FLRT2: variants seen among roughly 807,000 people sequenced by gnomAD.
FLRT2 encodes fibronectin leucine rich transmembrane protein 2, also known as leucine-rich repeat transmembrane protein FLRT2.
FLRT2 carries 15 observed loss-of-function variants against 40.0 expected under a neutral mutation model. That is an observed-to-expected ratio of 0.38 (90% confidence interval 0.25 to 0.58). FLRT2 has a LOEUF of 0.58. Ranked by LOEUF, FLRT2 falls within the 20% of genes least tolerant of loss-of-function variation. FLRT2 has a pLI of 0.71. For synonymous variants in FLRT2, 380 were observed against 336.8 expected, an observed-to-expected ratio of 1.13 and a Z score of -1.41; for missense variants, 726 against 840.0, an observed-to-expected ratio of 0.86 and a Z score of 1.68.
At chr14:85,591,631 C>T (rs1400928815) in intron 1 of FLRT2, among the ~76,000 whole-genome samples, 3 of 152,210 alleles carry the variant, frequency 2.0e-5, no homozygotes, top group Non-Finnish European at 2.9e-5. Flanking sequence ...TGTAATTAAG[C>T]ACTTGAAATG....
At chr14:85,536,325 T>G (rs1888656868) in intron 1 of FLRT2, among the ~76,000 whole-genome samples, 1 of 152,136 alleles carries the variant, frequency 6.6e-6, no homozygotes, top group Admixed American at 6.5e-5. Flanking sequence ...TCTGATCTAG[T>G]TTGACTCTTG....
Position 85,637,222 on chromosome 14 carries a change from A to G in FLRT2, c.*13725A>G, listed in dbSNP as rs1200977546. The G allele has an allele frequency of 2.6e-5, 4 of 152,204 alleles. No homozygotes were observed. The highest frequency in any genetic ancestry group is 6.5e-5 in the Admixed American group (1 of 15,278). The allele number at this position is 152,204 out of a possible 1,614,324, so 9.4% of individuals were successfully genotyped here. A position where few individuals can be genotyped will look rare whatever the true frequency, so the allele number is the denominator to read the frequency against. On this transcript the variant is annotated 3_prime_UTR_variant, in exon 2 of 2. Coordinates refer to ENST00000330753, the MANE Select transcript of FLRT2 (RefSeq NM_013231.6). ...AAAGAAGTTATTAAAAGCATTAACAAGTAGTTGAAAATATTATCCCTCTAA... is the reference window on the plus strand; with the variant it reads ...AAAGAAGTTATTAAAAGCATTAACAGGTAGTTGAAAATATTATCCCTCTAA...
At position 85,643,307 on chromosome 14, in the gene FLRT2, C is replaced by CTTTCTTTCTTTATTTA. The variant is rs1566774412; in HGVS notation, c.*19821_*19822insATTTATTTCTTTCTTT. On this transcript the variant is annotated 3_prime_UTR_variant, in exon 2 of 2. Coordinates refer to ENST00000330753, the MANE Select transcript of FLRT2 (RefSeq NM_013231.6). ...ATTTCTTTTTTTTCTTTCTTTCTTT[C>CTTTCTTTCTTTATTTA]TTTCTTTCTTTCTTTCTTTCTTTCT... The CTTTCTTTCTTTATTTA allele has an allele frequency of 1.1e-5, 1 of 95,236 alleles. No individual in the cohort carries two copies. Among genetic ancestry groups the CTTTCTTTCTTTATTTA allele is most frequent in the African/African-American group, 4.8e-5 (1 of 20,924 alleles). 5.9% of individuals were successfully genotyped at this position (95,236 alleles called of 1,614,324 possible). A position where few individuals can be genotyped will look rare whatever the true frequency, so the allele number is the denominator to read the frequency against.
At chr14:85,565,503 T>A (rs1229918945) in intron 1 of FLRT2, among the ~76,000 whole-genome samples, 1 of 152,190 alleles carries the variant, frequency 6.6e-6, no homozygotes, top group East Asian at 1.9e-4. Context: ...ATATTATTAA[T>A]AGTGATATTA....
rs1894170826 is a variant in FLRT2 at position 85,642,414 on chromosome 14, A to C, written c.*18917A>C. 1 of 152,104 alleles carries C rather than the reference A, an allele frequency of 6.6e-6. No homozygotes were observed. Among genetic ancestry groups the C allele is most frequent in the African/African-American group, 2.4e-5 (1 of 41,410 alleles). The allele number at this position is 152,104 out of a possible 1,614,324, so 9.4% of individuals were successfully genotyped here. On this transcript the variant is annotated 3_prime_UTR_variant, in exon 2 of 2. Coordinates refer to ENST00000330753, the MANE Select transcript of FLRT2 (RefSeq NM_013231.6). ...GGTTGATTCTGCCTTTGTGGGGAGAACTAACTTACCTGAGGTAACTAATGT... is the reference window on the plus strand; with the variant it reads ...GGTTGATTCTGCCTTTGTGGGGAGACCTAACTTACCTGAGGTAACTAATGT...
At chr14:85,619,024 G>C (rs1893264640) in intron 1 of FLRT2, among the ~76,000 whole-genome samples, 1 of 151,724 alleles carries the variant, frequency 6.6e-6, no homozygotes, top group East Asian at 1.9e-4. Context: ...TGGAAGGAAT[G>C]GCATCCTTTT....
intron 1 of FLRT2, among the ~76,000 whole-genome samples, chr14:85,603,803 G>T (rs1047466280): frequency 1.3e-5 from 2 of 152,188 alleles, no homozygotes; most frequent in Admixed American, 1.3e-4. Flanking sequence ...AGGAGGTGGA[G>T]ATTGCAGCGA....
intron 1 of FLRT2, among the ~76,000 whole-genome samples, chr14:85,587,327 G>T (rs898396579): frequency 6.7e-6 from 1 of 149,988 alleles, no homozygotes; most frequent in East Asian, 2.0e-4. Context: ...AGCTCATCTT[G>T]ATCATTGTAA....
In FLRT2 at chr14:85,624,172, C is replaced by T. The variant is rs1893562980; in HGVS notation, c.*675C>T. The T allele has an allele frequency of 6.0e-6, 1 of 166,952 alleles. No homozygotes were observed. Among genetic ancestry groups the T allele is most frequent in the African/African-American group, 2.4e-5 (1 of 41,446 alleles). 10.3% of individuals were successfully genotyped at this position (166,952 alleles called of 1,614,324 possible). On this transcript the variant is annotated 3_prime_UTR_variant, in exon 2 of 2. Transcript: ENST00000330753. ...CAGGGGTTGGCTTTCTGACTGGGAACTTAAAAATCACTCTTCATGCTTCCC... is the reference window on the plus strand; with the variant it reads ...CAGGGGTTGGCTTTCTGACTGGGAATTTAAAAATCACTCTTCATGCTTCCC...
intron 1 of FLRT2, among the ~76,000 whole-genome samples, chr14:85,533,218 G>C (rs1042536103): frequency 1.3e-5 from 2 of 152,154 alleles, no homozygotes; most frequent in Admixed American, 6.5e-5. Context: ...AGGGACGGAG[G>C]GAGAGGAGGA....
In FLRT2 at chr14:85,627,446, A is replaced by G. The variant is rs539344309; in HGVS notation, c.*3949A>G. 2 of 167,188 alleles carry G rather than the reference A, an allele frequency of 1.2e-5. No homozygotes were observed. The highest frequency in any genetic ancestry group is 4.1e-4 in the South Asian group (2 of 4,828). The allele number at this position is 167,188 out of a possible 1,614,324, so 10.4% of individuals were successfully genotyped here. On this transcript the variant is annotated 3_prime_UTR_variant, in exon 2 of 2. Transcript: ENST00000330753. Reference sequence around the variant, plus strand: ...AGAAAGAGTTTTGTATATGTCTGATACCGTTGTTATAACAAAACAAATTTT... The same window carrying G: ...AGAAAGAGTTTTGTATATGTCTGATGCCGTTGTTATAACAAAACAAATTTT...
At chr14:85,606,616 C>T (rs1892628186) in intron 1 of FLRT2, among the ~76,000 whole-genome samples, 1 of 148,474 alleles carries the variant, frequency 6.7e-6, no homozygotes, top group African/African-American at 2.5e-5. Flanking sequence ...CCTCCGACTC[C>T]CTAGTTCAAG....
intron 1 of FLRT2, among the ~76,000 whole-genome samples, chr14:85,587,241 G>A (rs1404979831): frequency 6.7e-6 from 1 of 149,208 alleles, no homozygotes; most frequent in Non-Finnish European, 1.5e-5. Flanking sequence ...GTAGGTTTGA[G>A]CCTTGAAACT....
chr14:85,605,472 A>G (rs944380566), intron 1 of FLRT2, among the ~76,000 whole-genome samples: 3 of 152,180 alleles, frequency 2.0e-5, no homozygotes, highest in Admixed American at 6.5e-5. Context: ...TCATAAAGAT[A>G]TTTAATAATA....
intron 1 of FLRT2, among the ~76,000 whole-genome samples, chr14:85,547,565 G>A (rs1018978098): frequency 1.3e-4 from 19 of 151,944 alleles, no homozygotes; most frequent in Admixed American, 3.3e-4. Flanking sequence ...ATTGTGATCC[G>A]CCCGCCTTGA....
intron 1 of FLRT2, among the ~76,000 whole-genome samples, chr14:85,587,556 A>G (rs1351127309): frequency 2.6e-5 from 4 of 152,144 alleles, no homozygotes; most frequent in Non-Finnish European, 4.4e-5. Flanking sequence ...TATGTCAACA[A>G]ATTAAAGGAC....
intron 1 of FLRT2, among the ~76,000 whole-genome samples, chr14:85,533,427 G>A (rs1030428432): frequency 6.6e-6 from 1 of 151,988 alleles, no homozygotes; most frequent in Non-Finnish European, 1.5e-5. Context: ...CCGCCCCCGC[G>A]CAGCGCCGCA....
At chr14:85,594,946 GA>G (rs1555369247) in intron 1 of FLRT2, among the ~76,000 whole-genome samples, 1 of 152,070 alleles carries the variant, frequency 6.6e-6, no homozygotes, top group Non-Finnish European at 1.5e-5. Context: ...TGTTATTAAG[GA>G]AATTGTAAGG....
Position 85,652,901 on chromosome 14 carries a change from A to G in FLRT2, c.*29404A>G, listed in dbSNP as rs927554002. ...AGAACACCTTACTTTACATTCATTG[A>G]ACTCTGAGGTTATAGAACTGTGAAC... is the stretch of plus-strand genomic sequence containing the variant. On this transcript the variant is annotated 3_prime_UTR_variant, in exon 2 of 2. Transcript: ENST00000330753. The G allele has an allele frequency of 6.6e-6, 1 of 152,286 alleles. No homozygotes were observed. Among genetic ancestry groups the G allele is most frequent in the Admixed American group, 6.5e-5 (1 of 15,286 alleles). 9.4% of individuals were successfully genotyped at this position (152,286 alleles called of 1,614,324 possible).
Sources: allele counts gnomAD v4.1 joint callset (sites outside exome capture counted in the v4.1 genomes callset), GRCh38; gene constraint gnomAD v4.1.1; transcripts MANE v1.5; gene names NCBI Gene and HGNC (gene_info 2026-07-23, HGNC 2026-07-21).